ARMC3: variants seen among roughly 807,000 people sequenced by gnomAD.
ARMC3 encodes armadillo repeat containing 3, also known as armadillo repeat-containing protein 3.
A neutral mutation model predicts 90.3 loss-of-function variants in ARMC3; 74 were observed. The observed-to-expected ratio is 0.82, with a 90% CI of 0.68 to 0.99. The LOEUF is 0.99. ARMC3 is among the 50% of genes least tolerant of loss of function. The pLI, the probability that ARMC3 is intolerant of heterozygous loss-of-function variation, is 0.00. For synonymous variants in ARMC3, 334 were observed against 361.8 expected, an observed-to-expected ratio of 0.92 and a Z score of 0.87; for missense variants, 958 against 1,042.8, an observed-to-expected ratio of 0.92 and a Z score of 1.12.
Position 23,001,857 on chromosome 10 carries a change from T to A in ARMC3, c.1426-62T>A, listed in dbSNP as rs147869464. On this transcript the variant is annotated intron_variant, in intron 11 of 18. Transcript: ENST00000298032. ...TAGCAATCAAATAATGAGATTTTTTTAAAAGCACAAATAGTTACATTCTAC... is the reference window on the plus strand; with the variant it reads ...TAGCAATCAAATAATGAGATTTTTTAAAAAGCACAAATAGTTACATTCTAC... 5.7e-4 allele frequency: 878 copies of A among 1,532,734 alleles called. 9 individuals are homozygous for A. In the African/African-American group the frequency reaches 0.01, roughly 18 times the overall value. The allele number at this position is 1,532,734 out of a possible 1,614,324, so 94.9% of individuals were successfully genotyped here. A position where few individuals can be genotyped will look rare whatever the true frequency, so the allele number is the denominator to read the frequency against.
chr10:22,938,452 A>T (rs952155301), intron 2 of ARMC3, among the ~76,000 whole-genome samples: 14 of 152,232 alleles, frequency 9.2e-5, no homozygotes, highest in African/African-American at 3.4e-4. Context: ...AAAATAAAAA[A>T]TAAGATCGTT....
At chr10:22,965,911 A>C (rs1835419329) in intron 7 of ARMC3, among the ~76,000 whole-genome samples, 1 of 152,142 alleles carries the variant, frequency 6.6e-6, no homozygotes, top group Admixed American at 6.6e-5. Flanking sequence ...GCTGCTTTAG[A>C]GTCTCTAATT....
At chr10:22,941,544 G>A (rs149509650) in intron 2 of ARMC3, among the ~76,000 whole-genome samples, 98 of 152,246 alleles carry the variant, frequency 6.4e-4, no homozygotes, top group East Asian at 3.9e-3. Flanking sequence ...TATTCTTAGC[G>A]TCTGGCACTT....
rs1446676487 is a variant in ARMC3 at position 22,998,284 on chromosome 10, C to T, written c.1312C>T (p.His438Tyr). 6.2e-7 allele frequency: 1 copy of T among 1,612,444 alleles called. No homozygotes were observed. The highest frequency in any genetic ancestry group is 1.7e-5 in the Admixed American group (1 of 59,774). Reference protein sequence around the residue: ...QEPLRLNIQNHDIMHAIISPL... With the variant: ...QEPLRLNIQNYDIMHAIISPL... Reference sequence around the variant, plus strand: ...GCCCCTGCGCCTGAACATACAGAATCACGACATCATGCATGCCATCATCAG... The same window carrying T: ...GCCCCTGCGCCTGAACATACAGAATTACGACATCATGCATGCCATCATCAG... The change falls in exon 11 of 19, where the codon CAC becomes TAC. Residue 438 changes from histidine to tyrosine, a missense_variant. His to Tyr is a moderately conservative substitution (Grantham distance 83). Coordinates refer to ENST00000298032, the MANE Select transcript of ARMC3 (RefSeq NM_173081.5).
rs142752591 is a variant in ARMC3, at chr10:22,948,703, A to C, written c.166+2442A>C. 2.0e-3 allele frequency among the ~76,000 whole-genome samples: 300 copies of C among 152,184 alleles called. 2 individuals carry two copies. The highest frequency in any genetic ancestry group is 6.9e-3 in the African/African-American group (286 of 41,508). On this transcript the variant is annotated intron_variant, in intron 3 of 18. Transcript: ENST00000298032. The stretch of plus-strand genomic sequence containing the variant: ...ACCCTATGATTGCCTCAGATTTTTG[A>C]CTTTAGAGAGCTTTTTGGCCATAGC...
At chr10:22,948,725 T>C (rs902583274) in intron 3 of ARMC3, among the ~76,000 whole-genome samples, 2 of 151,820 alleles carry the variant, frequency 1.3e-5, no homozygotes, top group Non-Finnish European at 2.9e-5. Flanking sequence ...TTTTTGGCCA[T>C]AGCACTGGAA....
At chr10:23,020,949 A>G (rs932928956) in intron 16 of ARMC3, among the ~76,000 whole-genome samples, 6 of 151,832 alleles carry the variant, frequency 4.0e-5, no homozygotes, top group African/African-American at 1.5e-4. Context: ...ACCCTTCCCC[A>G]CCTCTCAACC....
In ARMC3 at chr10:22,951,667, A is replaced by G. The variant is rs534484222; in HGVS notation, c.167-4140A>G. Among the ~76,000 whole-genome samples, 5 of 152,334 alleles carry G rather than the reference A, an allele frequency of 3.3e-5. No homozygotes were observed. In the East Asian group the frequency reaches 9.6e-4, roughly 29 times the overall value. ...AAAATAAATAACATACTTTTAAATG[A>G]CTCATGAATCAAAGAAGAAATCAAA... On this transcript the variant is annotated intron_variant, in intron 3 of 18. Transcript: ENST00000298032.
At chr10:22,929,973 G>C (rs1833867664) in intron 1 of ARMC3, among the ~76,000 whole-genome samples, 1 of 152,192 alleles carries the variant, frequency 6.6e-6, no homozygotes, top group Non-Finnish European at 1.5e-5. Flanking sequence ...ACACTATCCT[G>C]AAGTAGGAAA....
intron 16 of ARMC3, among the ~76,000 whole-genome samples, chr10:23,026,239 C>G (rs1838712499): frequency 6.6e-6 from 1 of 152,066 alleles, no homozygotes; most frequent in Non-Finnish European, 1.5e-5. Flanking sequence ...TAATGCCAAT[C>G]TATTTGCATT....
At chr10:22,986,108 A>ACCCCCCCCCCC (rs1836414109) in intron 10 of ARMC3, among the ~76,000 whole-genome samples, 1 of 110,832 alleles carries the variant, frequency 9.0e-6, no homozygotes, top group Non-Finnish European at 1.8e-5. Flanking sequence ...CCTGCACTGC[A>ACCCCCCCCCCC]CGCCCCCCCC....
At chr10:23,005,029 C>A (rs927440732) in intron 13 of ARMC3, among the ~76,000 whole-genome samples, 1 of 151,496 alleles carries the variant, frequency 6.6e-6, no homozygotes, top group East Asian at 1.9e-4. Flanking sequence ...CTGGCTAACA[C>A]GGTGGAACCC....
At chr10:23,008,401 G>A (rs1232095294) in intron 15 of ARMC3, 27 bp downstream of exon 15, 1 of 1,202,056 alleles carries the variant, frequency 8.3e-7, no homozygotes, top group Non-Finnish European at 1.2e-6. Flanking sequence ...TTATCTGTAT[G>A]CAAACAGCTT....
chr10:22,932,253 G>A (rs1161191431), intron 2 of ARMC3, among the ~76,000 whole-genome samples: 1 of 152,138 alleles, frequency 6.6e-6, no homozygotes. Flanking sequence ...CAATTAGAGA[G>A]TAATTATTAG....
intron 3 of ARMC3, among the ~76,000 whole-genome samples, chr10:22,947,596 G>A (rs963899005): frequency 2.0e-5 from 3 of 152,120 alleles, no homozygotes; most frequent in Admixed American, 6.5e-5. Flanking sequence ...AATGACATAG[G>A]ATCCTGGGAC....
Position 22,959,053 on chromosome 10 carries a change from T to G in ARMC3, c.293-17T>G, listed in dbSNP as rs778091592. 6.4e-6 allele frequency: 10 copies of G among 1,570,038 alleles called. No individual in the cohort carries two copies. The South Asian group carries it at 1.0e-4, about 16-fold the overall frequency. On this transcript the variant is annotated splice_polypyrimidine_tract_variant and intron_variant, in intron 4 of 18. Transcript: ENST00000298032. ...TTATTATTAATAAACATCAATACTC[T>G]GTTTCTTCCTTTGTAGATGATGTTA...
intron 6 of ARMC3, chr10:22,961,053 G>T (rs1835169661): frequency 6.6e-6 from 1 of 152,234 alleles, no homozygotes. Context: ...ATGAGGTACT[G>T]GGGTTAGGAC....
At chr10:22,931,675 A>G (rs1339389609) in intron 1 of ARMC3, among the ~76,000 whole-genome samples, 1 of 152,224 alleles carries the variant, frequency 6.6e-6, no homozygotes, top group East Asian at 1.9e-4. Flanking sequence ...TTAGTCTCTT[A>G]AGCCCATCAT....
intron 7 of ARMC3, among the ~76,000 whole-genome samples, chr10:22,964,249 A>G (rs1446237901): frequency 6.6e-6 from 1 of 152,208 alleles, no homozygotes; most frequent in Non-Finnish European, 1.5e-5. Flanking sequence ...ACACTTTTTA[A>G]AAGGAACTAA....
Sources: gnomAD v4.1 joint callset for allele counts (sites outside exome capture counted in the v4.1 genomes callset) on GRCh38, gnomAD v4.1.1 for gene constraint, MANE v1.5 for transcripts, NCBI Gene and HGNC (gene_info 2026-07-23, HGNC 2026-07-21) for gene names.